The following LIPC variants were observed in gnomAD, a reference collection of about 807,000 sequenced individuals.
LIPC encodes the protein hepatic triacylglycerol lipase.
A neutral mutation model predicts 50.7 loss-of-function variants in LIPC; 44 were observed. That is an observed-to-expected ratio of 0.87 (90% CI 0.68 to 1.11). The LOEUF is 1.11. LIPC is among the 50% of genes most tolerant of loss of function. The pLI, the probability that LIPC is intolerant of heterozygous loss-of-function variation, is 0.00. For missense variants in LIPC, 697 were observed against 648.2 expected, an observed-to-expected ratio of 1.08 and a Z score of -0.82; for synonymous variants, 271 against 256.4, an observed-to-expected ratio of 1.06 and a Z score of -0.54.
chr15:58,453,874 A>AAAAAG (rs765639476), intron 1 of LIPC, among the ~76,000 whole-genome samples: 2 of 152,156 alleles, frequency 1.3e-5, no homozygotes, highest in East Asian at 1.9e-4. Context: ...CTCAAAAAAA[A>AAAAAG]AAAAGAAAAG....
chr15:58,488,908 A>G (rs1301027067), intron 1 of LIPC, among the ~76,000 whole-genome samples: 2 of 152,158 alleles, frequency 1.3e-5, no homozygotes, highest in Admixed American at 1.3e-4. Flanking sequence ...TGGTTTAATC[A>G]CTAAATGAAC....
intron 2 of LIPC, 54 bp from the exon 3 acceptor site, chr15:58,541,731 G>C: frequency 6.5e-7 from 1 of 1,549,458 alleles, no homozygotes; most frequent in Middle Eastern, 2.0e-4. Flanking sequence ...GAAGGAAGAA[G>C]GGTGAGCGGG....
intron 1 of LIPC, among the ~76,000 whole-genome samples, chr15:58,439,389 A>C (rs899812222): frequency 2.6e-5 from 4 of 152,198 alleles, no homozygotes; most frequent in Non-Finnish European, 4.4e-5. Flanking sequence ...GTTTGACTAG[A>C]TCAGTGATCC....
chr15:58,497,675 G>C (rs1244262641), intron 1 of LIPC: 1 of 152,404 alleles, frequency 6.6e-6, no homozygotes, highest in East Asian at 1.9e-4. Context: ...CAGGCTCCAG[G>C]TCAGCACAAT....
At chr15:58,468,279 C>T (rs554701404) in intron 1 of LIPC, among the ~76,000 whole-genome samples, 3 of 152,274 alleles carry the variant, frequency 2.0e-5, no homozygotes, top group South Asian at 2.1e-4. Flanking sequence ...TCCCCAGCAG[C>T]GCCTCTCAGA....
At chr15:58,470,731 C>T (rs1387519529) in intron 1 of LIPC, among the ~76,000 whole-genome samples, 1 of 152,050 alleles carries the variant, frequency 6.6e-6, no homozygotes, top group Non-Finnish European at 1.5e-5. Flanking sequence ...TCCCCAGTAG[C>T]TGGGACTACA....
chr15:58,566,005 G>A (rs1894353563), intron 8 of LIPC: 5 of 984,748 alleles, frequency 5.1e-6, no homozygotes, highest in South Asian at 4.7e-5. Flanking sequence ...TTTTACTAAC[G>A]GTGTGGTCCA....
At chr15:58,512,961 GA>G (rs112463338) in intron 1 of LIPC, among the ~76,000 whole-genome samples, 2,311 of 125,160 alleles carry the variant, frequency 0.018, 38 homozygotes, top group African/African-American at 0.043. Flanking sequence ...AAGCATCAAC[GA>G]AAAAAAAAAA....
At chr15:58,511,304 G>C (rs1892324086) in intron 1 of LIPC, among the ~76,000 whole-genome samples, 1 of 152,116 alleles carries the variant, frequency 6.6e-6, no homozygotes. Context: ...GATCTGCCTG[G>C]GGAGGGAGTG....
At position 58,548,331 on chromosome 15, in the gene LIPC, C is replaced by A. The variant is rs780417026; in HGVS notation, c.810C>A (p.Ala270=). The change falls in exon 6 of 9, where the codon GCC becomes GCA. Residue 270 remains alanine, a splice_region_variant and synonymous_variant. Transcript: ENST00000299022. The part of the protein sequence containing the change: ...YRHIAQHGFN[A]ITQTIKCSHE... ...CGTCCTTCTTGCCCTGTGTTCCAGC[C>A]ATCACCCAGACCATAAAATGCTCCC... is the stretch of plus-strand genomic sequence containing the variant. The A allele has an allele frequency of 1.2e-6, 2 of 1,614,068 alleles. No homozygotes were observed. Among genetic ancestry groups the A allele is most frequent in the East Asian group, 4.5e-5 (2 of 44,880 alleles).
intron 1 of LIPC, among the ~76,000 whole-genome samples, chr15:58,503,762 G>C (rs1305252937): frequency 6.6e-6 from 1 of 152,214 alleles, no homozygotes; most frequent in Non-Finnish European, 1.5e-5. Flanking sequence ...CACAGAGCAA[G>C]TGTCTGAGGG....
intron 1 of LIPC, among the ~76,000 whole-genome samples, chr15:58,460,457 G>A (rs1485445127): frequency 1.3e-5 from 2 of 152,224 alleles, no homozygotes; most frequent in Non-Finnish European, 2.9e-5. Context: ...CCAGAGAGTA[G>A]CCTTCAACAT....
rs1194867471 is a variant in LIPC at position 58,563,738 on chromosome 15, A to G, written c.1388+15A>G. ...ACCCAGCAAAGGTGACTGCTGATTC[A>G]ATCTCCTATTAACGTCCATTAAGCA... On this transcript the variant is annotated intron_variant, in intron 8 of 8. Transcript: ENST00000299022. 2.5e-6 allele frequency: 4 copies of G among 1,606,396 alleles called. No individual in the cohort carries two copies. The highest frequency in any genetic ancestry group is 1.7e-5 in the Admixed American group (1 of 59,764).
chr15:58,484,511 G>A (rs992703748), intron 1 of LIPC, among the ~76,000 whole-genome samples: 1 of 152,210 alleles, frequency 6.6e-6, no homozygotes, highest in Non-Finnish European at 1.5e-5. Flanking sequence ...TGCTAATAAG[G>A]GCTTTACCAA....
rs147483164 is a variant in LIPC at position 58,498,956 on chromosome 15, G to A, written c.89-39377G>A. Among the ~76,000 whole-genome samples, 724 of 152,328 alleles carry A rather than the reference G, an allele frequency of 4.8e-3. 3 individuals carry two copies. Among genetic ancestry groups the A allele is most frequent in the Non-Finnish European group, 8.1e-3 (549 of 68,034 alleles). On this transcript the variant is annotated intron_variant, in intron 1 of 8. Coordinates refer to ENST00000299022, the MANE Select transcript of LIPC (RefSeq NM_000236.3). ...ATACTCCACAGGGCATTGTTGAGTA[G>A]CAAAAGCAACACATTAAACCATCTC...
intron 1 of LIPC, among the ~76,000 whole-genome samples, chr15:58,460,619 C>T (rs554102918): frequency 6.6e-6 from 1 of 152,226 alleles, no homozygotes; most frequent in Admixed American, 6.5e-5. Flanking sequence ...GGTGACATCA[C>T]TTGTTCAAGG....
intron 1 of LIPC, among the ~76,000 whole-genome samples, chr15:58,528,177 G>A (rs1387551842): frequency 3.3e-5 from 5 of 151,910 alleles, no homozygotes; most frequent in African/African-American, 1.2e-4. Context: ...GGGCTGTTTG[G>A]CCAAGTTAAT....
chr15:58,437,387 GAA>G (rs559184800), intron 1 of LIPC, among the ~76,000 whole-genome samples: 32 of 147,750 alleles, frequency 2.2e-4, no homozygotes, highest in African/African-American at 7.2e-4. Context: ...ATAATGTAGG[GAA>G]AAAAAAACAG....
chr15:58,462,742 C>G (rs1230310082), intron 1 of LIPC, among the ~76,000 whole-genome samples: 1 of 152,166 alleles, frequency 6.6e-6, no homozygotes, highest in Non-Finnish European at 1.5e-5. Flanking sequence ...AGCCCTGACT[C>G]AGAGGCCACT....
Sources: gnomAD v4.1 joint callset for allele counts (sites outside exome capture counted in the v4.1 genomes callset) on GRCh38, gnomAD v4.1.1 for gene constraint, MANE v1.5 for transcripts, NCBI Gene and HGNC (gene_info 2026-07-23, HGNC 2026-07-21) for gene names.